The following DOCK8 variants were observed in gnomAD, a reference collection of about 807,000 sequenced individuals.
The protein encoded by DOCK8 is dedicator of cytokinesis 8.
Under a neutral mutation model 245.6 loss-of-function variants are expected in DOCK8, and 141 were observed. That is an observed-to-expected ratio of 0.57 (90% CI 0.50 to 0.66). DOCK8 has a LOEUF of 0.66. DOCK8 is among the 30% of genes least tolerant of loss of function. DOCK8 has a pLI of 0.00. For synonymous variants in DOCK8, 1,168 were observed against 970.2 expected (o/e 1.20, Z -3.79); for missense variants, 2,965 against 2,603.4 (o/e 1.14, Z -3.02).
Position 215,437 on chromosome 9 carries a change from A to G in DOCK8, c.53+408A>G, listed in dbSNP as rs749363777. 3 of 1,501,424 alleles carry G rather than the reference A, an allele frequency of 2.0e-6. No homozygotes were observed. The East Asian group carries it at 7.7e-5, about 39-fold the overall frequency. The allele number at this position is 1,501,424 out of a possible 1,614,324, so 93.0% of individuals were successfully genotyped here. A position where few individuals can be genotyped will look rare whatever the true frequency, so the allele number is the denominator to read the frequency against. On this transcript the variant is annotated intron_variant, in intron 1 of 47. Coordinates refer to ENST00000432829, the MANE Select transcript of DOCK8 (RefSeq NM_203447.4). ...TTGAGGCAAGTCTGAGCGCGGGGGGAAGAAGTGAAGTGGCTGAAATTAGAG... is the reference window on the plus strand; with the variant it reads ...TTGAGGCAAGTCTGAGCGCGGGGGGGAGAAGTGAAGTGGCTGAAATTAGAG...
intron 16 of DOCK8, among the ~76,000 whole-genome samples, chr9:370,553 T>G (rs778544538): frequency 1.6e-4 from 25 of 152,238 alleles, no homozygotes; most frequent in Non-Finnish European, 3.2e-4. Flanking sequence ...TCTAGTATGA[T>G]GCAAAGAGGT....
At chr9:393,695 G>A (rs2054309725) in intron 24 of DOCK8, among the ~76,000 whole-genome samples, 1 of 152,156 alleles carries the variant, frequency 6.6e-6, no homozygotes, top group African/African-American at 2.4e-5. Flanking sequence ...AGTTTTTTGG[G>A]AAGAAAGCCC....
intron 1 of DOCK8, among the ~76,000 whole-genome samples, chr9:222,808 T>C (rs543107608): frequency 1.9e-4 from 29 of 152,244 alleles, no homozygotes; most frequent in Non-Finnish European, 4.0e-4. Flanking sequence ...TTCTTAATTT[T>C]GTTGTAAGCT....
chr9:310,466 C>G (rs1170456558), intron 5 of DOCK8, among the ~76,000 whole-genome samples: 2 of 152,112 alleles, frequency 1.3e-5, no homozygotes, highest in African/African-American at 4.8e-5. Flanking sequence ...AATTTATTTA[C>G]TTATTTTTTG....
At chr9:249,785 T>A (rs1387701524) in intron 1 of DOCK8, among the ~76,000 whole-genome samples, 2 of 29,450 alleles carry the variant, frequency 6.8e-5, no homozygotes, top group African/African-American at 2.1e-4. Context: ...GCCTGGCTAA[T>A]TTTTTTTTTT....
chr9:342,408 A>G (rs1353989056), intron 14 of DOCK8, among the ~76,000 whole-genome samples: 1 of 147,316 alleles, frequency 6.8e-6, no homozygotes, highest in Non-Finnish European at 1.5e-5. Context: ...AATGGCTTGC[A>G]TTTTTGGAAA....
chr9:433,610 A>C (rs1564063747), intron 37 of DOCK8, among the ~76,000 whole-genome samples: 1 of 152,176 alleles, frequency 6.6e-6, no homozygotes, highest in Non-Finnish European at 1.5e-5. Flanking sequence ...AACTAATTTA[A>C]ACAAAAATGT....
chr9:370,142 G>T, intron 15 of DOCK8, 88 bp from the exon 16 acceptor site: 2 of 1,158,492 alleles, frequency 1.7e-6, no homozygotes, highest in South Asian at 1.2e-5. Flanking sequence ...AGCTCTATGA[G>T]ACCAGAACAT....
chr9:376,003 A>G (rs1200651198), intron 18 of DOCK8, among the ~76,000 whole-genome samples: 1 of 152,210 alleles, frequency 6.6e-6, no homozygotes, highest in Non-Finnish European at 1.5e-5. Context: ...CTCAAAAGGA[A>G]TGAATAAATA....
intron 22 of DOCK8, among the ~76,000 whole-genome samples, chr9:385,551 A>C (rs2053917090): frequency 6.6e-6 from 1 of 152,224 alleles, no homozygotes; most frequent in Non-Finnish European, 1.5e-5. Context: ...TGTGATGGAA[A>C]TATTATATAA....
upstream of DOCK8, among the ~76,000 whole-genome samples, chr9:212,372 A>C (rs552234001): frequency 1.3e-5 from 2 of 152,320 alleles, no homozygotes; most frequent in African/African-American, 4.8e-5. Context: ...TGAAAAACAA[A>C]ATTGAATGAC....
chr9:398,118 G>C (rs780959610), intron 25 of DOCK8, among the ~76,000 whole-genome samples: 1 of 152,202 alleles, frequency 6.6e-6, no homozygotes. Flanking sequence ...GGAACAGCAT[G>C]GTATCTCCAC....
At chr9:270,834 G>A (rs538410400) in intron 1 of DOCK8, among the ~76,000 whole-genome samples, 3 of 152,254 alleles carry the variant, frequency 2.0e-5, no homozygotes, top group East Asian at 3.9e-4. Flanking sequence ...ACACTTTTGT[G>A]AACTAGCCTG....
chr9:422,205 T>A (rs1394986591), intron 33 of DOCK8, 70 bp downstream of exon 33: 1 of 1,304,428 alleles, frequency 7.7e-7, no homozygotes, highest in Non-Finnish European at 1.1e-6. Context: ...GCTGCTTGTA[T>A]TACTGAAACA....
chr9:270,588 T>C (rs1258931807), intron 1 of DOCK8, among the ~76,000 whole-genome samples: 1 of 152,334 alleles, frequency 6.6e-6, no homozygotes, highest in Non-Finnish European at 1.5e-5. Flanking sequence ...TGCTGGGTAG[T>C]TAATAAGTAT....
At chr9:248,108 G>A (rs1223928801) in intron 1 of DOCK8, among the ~76,000 whole-genome samples, 1 of 152,176 alleles carries the variant, frequency 6.6e-6, no homozygotes, top group East Asian at 1.9e-4. Context: ...ATTTGGTGGA[G>A]CAGAGAGCCT....
intron 1 of DOCK8, among the ~76,000 whole-genome samples, chr9:219,430 A>T (rs993411300): frequency 3.9e-5 from 6 of 152,184 alleles, no homozygotes; most frequent in Non-Finnish European, 7.3e-5. Flanking sequence ...GAGATGTGCC[A>T]CTGCATTCCA....
intron 1 of DOCK8, chr9:215,735 C>G (rs2046735425): frequency 7.8e-6 from 2 of 256,816 alleles, no homozygotes; most frequent in South Asian, 1.6e-4. Flanking sequence ...AATTCCTAAT[C>G]AAAGTTGCAC....
At chr9:365,280 G>A (rs968089705) in intron 14 of DOCK8, among the ~76,000 whole-genome samples, 15 of 152,344 alleles carry the variant, frequency 9.8e-5, no homozygotes, top group African/African-American at 3.1e-4. Flanking sequence ...AATGAGGATG[G>A]TTCAGAGTGG....
Sources: allele counts gnomAD v4.1 joint callset (sites outside exome capture counted in the v4.1 genomes callset), GRCh38; gene constraint gnomAD v4.1.1; transcripts MANE v1.5; gene names NCBI Gene and HGNC (gene_info 2026-07-23, HGNC 2026-07-21).